The following ZNF100 variants were observed in gnomAD, a reference collection of about 807,000 sequenced individuals.
ZNF100 encodes zinc finger protein 100, also known as zinc finger protein 100 (Y1).
A neutral mutation model predicts 15.8 loss-of-function variants in ZNF100; 12 were observed. That is an observed-to-expected ratio of 0.76 (90% confidence interval 0.49 to 1.23). The LOEUF (loss-of-function observed/expected upper bound fraction) is 1.23, where lower values mean the gene tolerates loss of function less well. ZNF100 is among the 50% of genes most tolerant of loss of function. The probability of loss-of-function intolerance (pLI) is 0.00; values close to 1 mark genes in which losing one functional copy is unlikely to be tolerated. For missense variants in ZNF100, 670 were observed against 635.6 expected (o/e 1.05, Z -0.58); for synonymous variants, 226 against 214.8 (o/e 1.05, Z -0.45).
rs1430514112 is a variant in ZNF100, at chr19:21,725,132, A to G, written c.*1551T>C. The G allele has an allele frequency of 6.6e-6, 1 of 152,200 alleles. No individual in the cohort carries two copies. The highest frequency in any genetic ancestry group is 2.4e-5 in the African/African-American group (1 of 41,442). 9.4% of individuals were successfully genotyped at this position (152,200 alleles called of 1,614,324 possible). A position where few individuals can be genotyped will look rare whatever the true frequency, so the allele number is the denominator to read the frequency against. On this transcript the variant is annotated 3_prime_UTR_variant, in exon 5 of 5. Coordinates refer to ENST00000358296, the MANE Select transcript of ZNF100 (RefSeq NM_173531.4). ...TTATTTGCAGTCAAAGCCACTAGCA[A>G]AAGAGATTACTAGAGATGTTAATCC...
In ZNF100 at chr19:21,767,567, G is replaced by C. The variant is rs923185932; in HGVS notation, c.-138C>G. The C allele has an allele frequency of 2.9e-6, 4 of 1,363,706 alleles. No homozygotes were observed. The highest frequency in any genetic ancestry group is 4.0e-6 in the Non-Finnish European group (4 of 993,160). 84.5% of individuals were successfully genotyped at this position (1,363,706 alleles called of 1,614,324 possible). A position where few individuals can be genotyped will look rare whatever the true frequency, so the allele number is the denominator to read the frequency against. The stretch of plus-strand genomic sequence containing the variant: ...CAAAACCTGGAGCTCCGGCTACAGC[G>C]AGAGACAAAGACCCCGCCAAACCCG... On this transcript the variant is annotated 5_prime_UTR_variant, in exon 1 of 5. Transcript: ENST00000358296.
Position 21,727,066 on chromosome 19 carries a change from G to C in ZNF100, c.1246C>G (p.Leu416Val). The C allele has an allele frequency of 6.2e-7, 1 of 1,613,650 alleles. No homozygotes were observed. Among genetic ancestry groups the C allele is most frequent in the South Asian group, 1.1e-5 (1 of 91,040 alleles). Residue 416 changes from leucine (L) to valine (V), a missense_variant, in exon 5 of 5, where the codon CTC becomes GTC. Physicochemically the swap from Leu to Val is conservative, Grantham distance 32. Transcript: ENST00000358296. ...GTATGAATTCTCTTATGTTTAGTGA[G>C]GGCTGAGGACCAGTTAAAGCCTTTG... ...CGKGFNWSSA[L>V]TKHKRIHTGE...
At chr19:21,748,458 A>T (rs2036248979) in intron 2 of ZNF100, among the ~76,000 whole-genome samples, 1 of 152,198 alleles carries the variant, frequency 6.6e-6, no homozygotes, top group African/African-American at 2.4e-5. Flanking sequence ...GAAAAACTTA[A>T]ATCCTAGAGT....
In ZNF100 at chr19:21,726,269, A is replaced by G. The variant is rs1354450208; in HGVS notation, c.*414T>C. ...GAGCATGTATTAATGGCTTTTTCAC[A>G]GTCTTTATATTTGTACAATATTTCT... On this transcript the variant is annotated 3_prime_UTR_variant, in exon 5 of 5. Transcript: ENST00000358296. The G allele has an allele frequency of 6.0e-6, 1 of 165,596 alleles. No individual in the cohort carries two copies. Among genetic ancestry groups the G allele is most frequent in the Non-Finnish European group, 1.3e-5 (1 of 76,512 alleles). The allele number at this position is 165,596 out of a possible 1,614,324, so 10.3% of individuals were successfully genotyped here. A position where few individuals can be genotyped will look rare whatever the true frequency, so the allele number is the denominator to read the frequency against.
At position 21,722,866 on chromosome 19, in the gene ZNF100, T is replaced by C. The variant is rs926075171; in HGVS notation, c.*3817A>G. The C allele has an allele frequency of 6.6e-6, 1 of 151,838 alleles. No individual in the cohort carries two copies. Among genetic ancestry groups the C allele is most frequent in the African/African-American group, 2.4e-5 (1 of 41,412 alleles). The allele number at this position is 151,838 out of a possible 1,614,324, so 9.4% of individuals were successfully genotyped here. A position where few individuals can be genotyped will look rare whatever the true frequency, so the allele number is the denominator to read the frequency against. On this transcript the variant is annotated 3_prime_UTR_variant, in exon 5 of 5. Transcript: ENST00000358296. ...CACTTACCATTAACTCTTAAAAATT[T>C]AATTTCTACATTTTCTTGCAAATTT...
chr19:21,740,433 C>T (rs1415345401), intron 4 of ZNF100, among the ~76,000 whole-genome samples: 6 of 151,726 alleles, frequency 4.0e-5, no homozygotes, highest in Middle Eastern at 3.4e-3. Context: ...TGAGCAACAA[C>T]AGAAAAACAG....
chr19:21,761,780 T>C (rs1241259488), intron 2 of ZNF100, among the ~76,000 whole-genome samples: 2 of 152,214 alleles, frequency 1.3e-5, no homozygotes, highest in Non-Finnish European at 2.9e-5. Flanking sequence ...TCATGTTAAT[T>C]TGGTGGCTAA....
intron 3 of ZNF100, 69 bp from the exon 4 acceptor site, chr19:21,744,184 TAAA>T (rs2036171404): frequency 7.6e-7 from 1 of 1,315,310 alleles, no homozygotes; most frequent in Non-Finnish European, 1.0e-6. Context: ...CTATGCTTAG[TAAA>T]GAGGAGGTGA....
Position 21,727,757 on chromosome 19 carries a change from G to C in ZNF100, c.555C>G (p.Val185=). 6.2e-7 allele frequency: 1 copy of C among 1,613,866 alleles called. No individual in the cohort carries two copies. The highest frequency in any genetic ancestry group is 8.5e-7 in the Non-Finnish European group (1 of 1,179,868). ...NIFQCDPSAK[V]FHTFSNSNRH... ...TGTTTGAATTTGAAAATGTATGAAA[G>C]ACTTTTGCAGATGGATCACATTGAA... The change falls in exon 5 of 5, where the codon GTC becomes GTG. Residue 185 remains valine, a synonymous_variant. Coordinates refer to ENST00000358296, the MANE Select transcript of ZNF100 (RefSeq NM_173531.4).
At chr19:21,757,536 G>A (rs747020610) in intron 2 of ZNF100, among the ~76,000 whole-genome samples, 14 of 152,226 alleles carry the variant, frequency 9.2e-5, no homozygotes, top group Non-Finnish European at 1.3e-4. Context: ...TTCAACCATT[G>A]TGAAAAGCAG....
At chr19:21,754,236 C>CAAAA (rs79087603) in intron 2 of ZNF100, among the ~76,000 whole-genome samples, 1 of 146,070 alleles carries the variant, frequency 6.8e-6, no homozygotes, top group Non-Finnish European at 1.5e-5. Flanking sequence ...TCTACCACCT[C>CAAAA]AAAAAAAAAA....
intron 2 of ZNF100, among the ~76,000 whole-genome samples, chr19:21,747,928 AGG>A (rs1040217259): frequency 1.3e-5 from 2 of 152,112 alleles, no homozygotes; most frequent in African/African-American, 4.8e-5. Context: ...ATTTAGATAA[AGG>A]GCCCAGCATT....
At chr19:21,728,272 C>T (rs2145683979) in intron 4 of ZNF100, among the ~76,000 whole-genome samples, 1 of 152,150 alleles carries the variant, frequency 6.6e-6, no homozygotes, top group East Asian at 1.9e-4. Context: ...TCTTTCTGCT[C>T]CCCAATATAA....
Position 21,767,455 on chromosome 19 carries a change from G to T in ZNF100, c.-26C>A, listed in dbSNP as rs1325080248. ...TTCTAGGCTTCTAGGGGGTCCTGGC[G>T]TCTTAGCTGTGGATCTCCCAATATC... On this transcript the variant is annotated 5_prime_UTR_variant, in exon 1 of 5. Transcript: ENST00000358296. 1.2e-6 allele frequency: 2 copies of T among 1,614,084 alleles called. No individual in the cohort carries two copies. Among genetic ancestry groups the T allele is most frequent in the Admixed American group, 1.7e-5 (1 of 60,010 alleles).
At chr19:21,733,181 AT>A (rs1233008295) in intron 4 of ZNF100, among the ~76,000 whole-genome samples, 1 of 152,178 alleles carries the variant, frequency 6.6e-6, no homozygotes, top group Non-Finnish European at 1.5e-5. Context: ...CACATATAGA[AT>A]TTTTTTACTA....
Position 21,723,509 on chromosome 19 carries a change from G to T in ZNF100, c.*3174C>A, listed in dbSNP as rs2035719369. ...GGGCTGTGCTGCATACATAGCTGGG[G>T]ATACACATAATAAATACAGAGAAAT... On this transcript the variant is annotated 3_prime_UTR_variant, in exon 5 of 5. Coordinates refer to ENST00000358296, the MANE Select transcript of ZNF100 (RefSeq NM_173531.4). The T allele has an allele frequency of 6.6e-6, 1 of 152,138 alleles. No homozygotes were observed. The highest frequency in any genetic ancestry group is 6.5e-5 in the Admixed American group (1 of 15,274). 9.4% of individuals were successfully genotyped at this position (152,138 alleles called of 1,614,324 possible).
intron 1 of ZNF100, among the ~76,000 whole-genome samples, 155 bp downstream of exon 1, chr19:21,767,272 G>A (rs1438047840): frequency 6.6e-6 from 1 of 152,150 alleles, no homozygotes; most frequent in Non-Finnish European, 1.5e-5. Flanking sequence ...CAGCGCAGCC[G>A]CCATCTTATG....
chr19:21,733,748 T>C (rs934180841), intron 4 of ZNF100, among the ~76,000 whole-genome samples: 3 of 152,264 alleles, frequency 2.0e-5, no homozygotes, highest in African/African-American at 7.2e-5. Context: ...CTGTGCATCC[T>C]GACTGAGTGA....
At chr19:21,765,907 G>C in intron 1 of ZNF100, 121 bp from the exon 2 acceptor site, 2 of 924,650 alleles carry the variant, frequency 2.2e-6, no homozygotes, top group Non-Finnish European at 1.7e-6. Context: ...AAAAACTAAA[G>C]GGTGGCTGAG....
Sources: gnomAD v4.1 joint callset for allele counts (sites outside exome capture counted in the v4.1 genomes callset) on GRCh38, gnomAD v4.1.1 for gene constraint, MANE v1.5 for transcripts, NCBI Gene and HGNC (gene_info 2026-07-23, HGNC 2026-07-21) for gene names.